Variants in PATJ observed in about 807,000 individuals in gnomAD.
PATJ encodes the protein PATJ crumbs cell polarity complex component.
A neutral mutation model predicts 224.9 loss-of-function variants in PATJ; 190 were observed. The observed-to-expected ratio is 0.84, with a 90% CI of 0.75 to 0.95. PATJ has a LOEUF of 0.95. PATJ is among the 40% of genes least tolerant of loss of function. The probability of loss-of-function intolerance (pLI) is 0.00; values close to 1 mark genes in which losing one functional copy is unlikely to be tolerated. For missense variants in PATJ, 2,121 were observed against 2,270.3 expected, an observed-to-expected ratio of 0.93 and a Z score of 1.34; for synonymous variants, 769 against 820.3, an observed-to-expected ratio of 0.94 and a Z score of 1.07.
At chr1:62,089,215 A>G (rs1176360551) in intron 33 of PATJ, among the ~76,000 whole-genome samples, 1 of 152,104 alleles carries the variant, frequency 6.6e-6, no homozygotes, top group East Asian at 1.9e-4. Flanking sequence ...GTTGGTTGGA[A>G]TACCTGAACG....
intron 31 of PATJ, among the ~76,000 whole-genome samples, chr1:62,059,888 G>A (rs1655138693): frequency 6.6e-6 from 1 of 152,132 alleles, no homozygotes; most frequent in South Asian, 2.1e-4. Flanking sequence ...AAGTTGAAGA[G>A]GGAGGAGGCA....
rs144688524 is a variant in PATJ at position 62,069,549 on chromosome 1, A to G, written c.4126-9901A>G. Among the ~76,000 whole-genome samples the G allele has an allele frequency of 3.7e-3, 570 of 152,294 alleles. 4 individuals carry two copies. Among genetic ancestry groups the G allele is most frequent in the Non-Finnish European group, 6.5e-3 (442 of 68,020 alleles). ...TGGCTCGGATGTTTAAGAGTAATCA[A>G]TATAAGAAATGAGACAGTGCGTCAG... On this transcript the variant is annotated intron_variant, in intron 31 of 43. Coordinates refer to ENST00000642238, the MANE Select transcript of PATJ (RefSeq NM_001350145.3).
intron 26 of PATJ, among the ~76,000 whole-genome samples, chr1:61,915,735 T>C (rs1024404917): frequency 6.6e-6 from 1 of 151,456 alleles, no homozygotes; most frequent in Non-Finnish European, 1.5e-5. Context: ...TCTTGCTCAG[T>C]CGCCAGGCCA....
intron 31 of PATJ, among the ~76,000 whole-genome samples, chr1:62,056,338 A>G (rs1654528562): frequency 6.6e-6 from 1 of 152,196 alleles, no homozygotes; most frequent in South Asian, 2.1e-4. Flanking sequence ...TATCATTTCC[A>G]TGTAAGAGAT....
In PATJ at chr1:62,055,286, C is replaced by A. The variant is rs1270715124; in HGVS notation, c.4125+4228C>A. ...TCCTGGTAGCTTGCTGACATCGGAG[C>A]TCAAGATCCCTAAAATAATTACTTT... On this transcript the variant is annotated intron_variant, in intron 31 of 43. Transcript: ENST00000642238. Among the ~76,000 whole-genome samples, 3 of 152,242 alleles carry A rather than the reference C, an allele frequency of 2.0e-5. No homozygotes were observed. The East Asian group carries it at 5.8e-4, about 29-fold the overall frequency.
chr1:61,747,990 C>T (rs1020854252), intron 1 of PATJ, among the ~76,000 whole-genome samples: 3 of 152,194 alleles, frequency 2.0e-5, no homozygotes, highest in African/African-American at 7.2e-5. Flanking sequence ...AAGTGATTCT[C>T]GTGCCTCAGT....
At chr1:62,156,295 C>T (rs988203644) in intron 43 of PATJ, among the ~76,000 whole-genome samples, 8 of 151,586 alleles carry the variant, frequency 5.3e-5, no homozygotes, top group African/African-American at 1.2e-4. Context: ...TTTGGGAGGC[C>T]GAGGCAGGCT....
intron 31 of PATJ, among the ~76,000 whole-genome samples, chr1:62,071,570 G>C (rs950900768): frequency 1.4e-5 from 2 of 141,596 alleles, no homozygotes; most frequent in Non-Finnish European, 3.0e-5. Context: ...TCAGCTCACT[G>C]CAACCTCCGC....
At chr1:61,999,622 C>T (rs1645624988) in intron 28 of PATJ, among the ~76,000 whole-genome samples, 1 of 151,622 alleles carries the variant, frequency 6.6e-6, no homozygotes, top group African/African-American at 2.4e-5. Flanking sequence ...GAGCTGAGAT[C>T]ACACCGTTGC....
intron 7 of PATJ, among the ~76,000 whole-genome samples, chr1:61,785,015 C>G (rs1369840980): frequency 1.3e-5 from 2 of 151,692 alleles, no homozygotes; most frequent in Non-Finnish European, 2.9e-5. Flanking sequence ...GAGCTTTGTA[C>G]GTATTATTTC....
chr1:62,052,764 A>G (rs1414010975), intron 31 of PATJ, among the ~76,000 whole-genome samples: 2 of 152,124 alleles, frequency 1.3e-5, no homozygotes, highest in South Asian at 2.1e-4. Flanking sequence ...AAAAGAAAAA[A>G]GAATAATGGC....
intron 27 of PATJ, among the ~76,000 whole-genome samples, chr1:61,959,654 C>G (rs1680988128): frequency 6.6e-6 from 1 of 151,724 alleles, no homozygotes; most frequent in Non-Finnish European, 1.5e-5. Flanking sequence ...GTTGCCCAGG[C>G]TGGTCTCAAA....
At chr1:61,771,941 C>T (rs1174245888) in intron 6 of PATJ, among the ~76,000 whole-genome samples, 1 of 151,954 alleles carries the variant, frequency 6.6e-6, no homozygotes, top group Non-Finnish European at 1.5e-5. Flanking sequence ...AGGCTGGTCT[C>T]GAACTCCTGC....
In PATJ at chr1:61,821,931, T is replaced by C. The variant is rs573797129; in HGVS notation, c.1684-1014T>C. Among the ~76,000 whole-genome samples the C allele has an allele frequency of 2.0e-5, 3 of 152,310 alleles. No individual in the cohort carries two copies. The South Asian group carries it at 6.2e-4, about 32-fold the overall frequency. Reference sequence around the variant, plus strand: ...GCAACTGAGACACTCATCTCTTTACTCGACATTGGCTAGAGTTTCTCAGCC... The same window carrying C: ...GCAACTGAGACACTCATCTCTTTACCCGACATTGGCTAGAGTTTCTCAGCC... On this transcript the variant is annotated intron_variant, in intron 14 of 43. Transcript: ENST00000642238.
intron 27 of PATJ, among the ~76,000 whole-genome samples, chr1:61,989,814 T>C (rs1416017370): frequency 1.3e-5 from 2 of 152,196 alleles, no homozygotes; most frequent in Non-Finnish European, 2.9e-5. Context: ...GGAAATAAAA[T>C]AATTTTTAAC....
chr1:61,893,487 T>G (rs1214695295), intron 22 of PATJ, among the ~76,000 whole-genome samples: 2 of 8,558 alleles, frequency 2.3e-4, no homozygotes, highest in Admixed American at 2.4e-3. Flanking sequence ...TTTAGGGTGT[T>G]TTTTTTTTTT....
intron 42 of PATJ, among the ~76,000 whole-genome samples, chr1:62,151,607 A>C (rs1668646758): frequency 6.6e-6 from 1 of 152,186 alleles, no homozygotes; most frequent in African/African-American, 2.4e-5. Flanking sequence ...ATAAATAAAT[A>C]AACCCAGCAA....
chr1:62,092,180 C>G lies in PATJ; in HGVS notation c.4377+7532C>G, dbSNP rs570892434. ...GTTGCTTGAGGCCAGGAGTTTGAGA[C>G]TAACCTGGGCAACATGGCAAGACCC... On this transcript the variant is annotated intron_variant, in intron 33 of 43. Coordinates refer to ENST00000642238, the MANE Select transcript of PATJ (RefSeq NM_001350145.3). Among the ~76,000 whole-genome samples the G allele has an allele frequency of 1.6e-4, 25 of 151,596 alleles. No homozygotes were observed. In the South Asian group the frequency reaches 5.2e-3, roughly 32 times the overall value.
intron 31 of PATJ, among the ~76,000 whole-genome samples, chr1:62,052,760 A>G (rs1653862600): frequency 1.3e-5 from 2 of 152,140 alleles, no homozygotes; most frequent in South Asian, 4.2e-4. Flanking sequence ...AAAAAAAAGA[A>G]AAAAGAATAA....
Sources: allele counts gnomAD v4.1 joint callset (sites outside exome capture counted in the v4.1 genomes callset), GRCh38; gene constraint gnomAD v4.1.1; transcripts MANE v1.5; gene names NCBI Gene and HGNC (gene_info 2026-07-23, HGNC 2026-07-21).